Variants in ALG5 observed in about 807,000 individuals in gnomAD.
ALG5 encodes ALG5 dolichyl-phosphate beta-glucosyltransferase, also known as dolichyl-phosphate beta-glucosyltransferase.
A neutral mutation model predicts 51.8 loss-of-function variants in ALG5; 26 were observed. That is an observed-to-expected ratio of 0.50 (90% CI 0.37 to 0.70). ALG5 has a LOEUF of 0.70. Among genes scored for constraint, ALG5 ranks in the 30% least tolerant of loss-of-function variants. ALG5 has a pLI of 0.00. For missense variants in ALG5, 311 were observed against 399.3 expected, an observed-to-expected ratio of 0.78 and a Z score of 1.88; for synonymous variants, 141 against 136.1, an observed-to-expected ratio of 1.04 and a Z score of -0.25.
rs2059016634 is a variant in ALG5 at position 36,989,568 on chromosome 13, A to G, written c.363T>C (p.Phe121=). 1 of 1,605,116 alleles carries G rather than the reference A, an allele frequency of 6.2e-7. No homozygotes were observed. Among genetic ancestry groups the G allele is most frequent in the Non-Finnish European group, 8.5e-7 (1 of 1,172,526 alleles). The part of the protein sequence containing the change: ...GSKDQTSKVA[F]KYCQKYGSDK... ...CACTTCCATATTTCTGGCAATATTT[A>G]AAAGCTACCTATGAAATTATATAAA... The change falls in exon 5 of 10, where the codon TTT becomes TTC. Residue 121 remains phenylalanine, a synonymous_variant. Coordinates refer to ENST00000239891, the MANE Select transcript of ALG5 (RefSeq NM_013338.5).
chr13:36,966,308 A>T (rs1171794353), intron 7 of ALG5, among the ~76,000 whole-genome samples: 2 of 152,204 alleles, frequency 1.3e-5, no homozygotes, highest in African/African-American at 4.8e-5. Context: ...AATACTTTGG[A>T]TATTAAGATT....
At chr13:36,961,549 T>C (rs979351385) in intron 8 of ALG5, among the ~76,000 whole-genome samples, 1 of 152,172 alleles carries the variant, frequency 6.6e-6, no homozygotes, top group Non-Finnish European at 1.5e-5. Context: ...AGCAAAGACT[T>C]GAGCATCTGT....
chr13:36,978,165 C>T (rs1351560928), intron 6 of ALG5, among the ~76,000 whole-genome samples: 6 of 147,886 alleles, frequency 4.1e-5, no homozygotes, highest in Non-Finnish European at 7.5e-5. Context: ...GGATTATAGG[C>T]ATGAGTCACT....
chr13:36,952,770 T>C, intron 8 of ALG5, 171 bp from the exon 9 acceptor site: 1 of 439,668 alleles, frequency 2.3e-6, no homozygotes, highest in Non-Finnish European at 4.0e-6. Flanking sequence ...AGTTCAGAAG[T>C]TTCAAGTCAA....
intron 6 of ALG5, among the ~76,000 whole-genome samples, chr13:36,983,521 G>A (rs1171409478): frequency 2.0e-5 from 3 of 151,694 alleles, no homozygotes; most frequent in Admixed American, 6.6e-5. Context: ...TGAGGCAGGA[G>A]GATGGAGTTT....
intron 1 of ALG5, among the ~76,000 whole-genome samples, chr13:36,996,690 T>G (rs1212077826): frequency 1.3e-5 from 2 of 152,206 alleles, no homozygotes; most frequent in Non-Finnish European, 2.9e-5. Context: ...TTTCAAAAAT[T>G]TGCCTTTTGC....
At chr13:36,968,370 A>G (rs962703547) in intron 7 of ALG5, among the ~76,000 whole-genome samples, 2 of 152,236 alleles carry the variant, frequency 1.3e-5, no homozygotes, top group African/African-American at 2.4e-5. Context: ...TTAACTTAAA[A>G]TAAGAAGTTC....
chr13:36,964,341 TGG>T (rs1312587080), intron 8 of ALG5, among the ~76,000 whole-genome samples: 1 of 152,150 alleles, frequency 6.6e-6, no homozygotes, highest in Non-Finnish European at 1.5e-5. Flanking sequence ...AAAGACCTTG[TGG>T]GCTACAGCAT....
chr13:36,972,551 C>T (rs1025229947), intron 6 of ALG5, among the ~76,000 whole-genome samples: 6 of 151,704 alleles, frequency 4.0e-5, no homozygotes, highest in Non-Finnish European at 7.4e-5. Context: ...AATGAAAAAT[C>T]TAGAAATAAA....
intron 7 of ALG5, among the ~76,000 whole-genome samples, chr13:36,968,358 C>A (rs1199357700): frequency 6.6e-6 from 1 of 152,166 alleles, no homozygotes; most frequent in African/African-American, 2.4e-5. Flanking sequence ...CTTCTAATTT[C>A]ATTAACTTAA....
chr13:36,982,874 A>T (rs112319730), intron 6 of ALG5, among the ~76,000 whole-genome samples: 1 of 152,216 alleles, frequency 6.6e-6, no homozygotes, highest in African/African-American at 2.4e-5. Flanking sequence ...TTGAGCTGGG[A>T]CACTTAAATA....
intron 7 of ALG5, 116 bp downstream of exon 7, chr13:36,971,861 G>A (rs2058925449): frequency 1.5e-6 from 1 of 679,654 alleles, no homozygotes; most frequent in Admixed American, 3.2e-5. Flanking sequence ...TCTTTTGAAA[G>A]GAACCTCATG....
intron 3 of ALG5, 50 bp from the exon 4 acceptor site, chr13:36,993,722 G>A (rs773761621): frequency 6.4e-5 from 93 of 1,455,948 alleles, no homozygotes; most frequent in Non-Finnish European, 8.6e-5. Context: ...CTGCCATAAA[G>A]TATTCTAATC....
At chr13:36,977,790 C>CAAAAAAAAAAAAAAAAAAAAAAAAAAA (rs869027711) in intron 6 of ALG5, among the ~76,000 whole-genome samples, 1 of 39,172 alleles carries the variant, frequency 2.6e-5, no homozygotes, top group African/African-American at 1.3e-4. Context: ...AGACTGTCTC[C>CAAAAAAAAAAAAAAAAAAAAAAAAAAA]AAAAAAAAAA....
chr13:36,973,289 G>A (rs184346598), intron 6 of ALG5, among the ~76,000 whole-genome samples: 3 of 152,174 alleles, frequency 2.0e-5, no homozygotes, highest in Non-Finnish European at 4.4e-5. Flanking sequence ...ACAAATCCAT[G>A]GACAATTCCA....
chr13:36,953,415 C>A (rs1160789252), intron 8 of ALG5, among the ~76,000 whole-genome samples: 2 of 152,182 alleles, frequency 1.3e-5, no homozygotes, highest in South Asian at 4.1e-4. Context: ...TTCCTGGATT[C>A]TGCTTACAAA....
At chr13:36,993,738 AC>A in intron 3 of ALG5, 66 bp from the exon 4 acceptor site, 1 of 1,322,720 alleles carries the variant, frequency 7.6e-7, no homozygotes, top group Non-Finnish European at 1.1e-6. Context: ...TAATCAAATC[AC>A]CAGTAATTTA....
chr13:36,997,263 A>G (rs2059054977), intron 1 of ALG5, among the ~76,000 whole-genome samples: 1 of 152,086 alleles, frequency 6.6e-6, no homozygotes, highest in Non-Finnish European at 1.5e-5. Flanking sequence ...ACCTGAGTTC[A>G]GGAGTTCGAG....
intron 7 of ALG5, among the ~76,000 whole-genome samples, chr13:36,970,608 A>C (rs2058918173): frequency 6.8e-6 from 1 of 147,904 alleles, no homozygotes; most frequent in South Asian, 2.2e-4. Flanking sequence ...TCATAAAAAC[A>C]AAAAAAACAA....
Sources: allele counts gnomAD v4.1 joint callset (sites outside exome capture counted in the v4.1 genomes callset), GRCh38; gene constraint gnomAD v4.1.1; transcripts MANE v1.5; gene names NCBI Gene and HGNC (gene_info 2026-07-23, HGNC 2026-07-21).